The following EXOC4 variants were observed in gnomAD, a reference collection of about 807,000 sequenced individuals.
EXOC4 encodes exocyst complex component 4, also known as SEC8-like 1.
In EXOC4, 71 loss-of-function variants were observed where a neutral mutation model predicts 107.2. That is an observed-to-expected ratio of 0.66 (90% CI 0.55 to 0.81). The LOEUF (loss-of-function observed/expected upper bound fraction) is 0.81. Among genes scored for constraint, EXOC4 ranks in the 30% least tolerant of loss-of-function variants. The probability of loss-of-function intolerance (pLI) is 0.00; values close to 1 mark genes in which losing one functional copy is unlikely to be tolerated. For missense variants in EXOC4, 1,108 were observed against 1,189.6 expected, an observed-to-expected ratio of 0.93 and a Z score of 1.01; for synonymous variants, 456 against 441.2, an observed-to-expected ratio of 1.03 and a Z score of -0.42.
chr7:133,379,831 G>C (rs1365416703), intron 7 of EXOC4, among the ~76,000 whole-genome samples: 1 of 152,082 alleles, frequency 6.6e-6, no homozygotes, highest in Non-Finnish European at 1.5e-5. Context: ...TATAATTCCT[G>C]TACGGCTGAA....
downstream of EXOC4, among the ~76,000 whole-genome samples, chr7:134,069,383 C>G (rs565469804): frequency 6.8e-6 from 1 of 147,318 alleles, no homozygotes; most frequent in Non-Finnish European, 1.5e-5. Context: ...TCTCCTCCTT[C>G]TCCGCCTCTT....
intron 11 of EXOC4, among the ~76,000 whole-genome samples, chr7:133,871,394 G>C (rs1418282439): frequency 6.6e-6 from 1 of 152,072 alleles, no homozygotes; most frequent in Non-Finnish European, 1.5e-5. Flanking sequence ...CACACCGCTA[G>C]TCATGCTCTT....
intron 10 of EXOC4, among the ~76,000 whole-genome samples, chr7:133,730,435 A>G (rs531624665): frequency 2.6e-5 from 4 of 152,070 alleles, no homozygotes; most frequent in East Asian, 3.9e-4. Context: ...ATTTCTTTCT[A>G]ACAGATTAGT....
At chr7:133,292,461 T>C (rs1161306107) in intron 3 of EXOC4, among the ~76,000 whole-genome samples, 1 of 152,214 alleles carries the variant, frequency 6.6e-6, no homozygotes, top group African/African-American at 2.4e-5. Context: ...TTTTTTGTTG[T>C]TGTCTTTTAA....
intron 10 of EXOC4, among the ~76,000 whole-genome samples, chr7:133,767,732 A>C (rs1389398370): frequency 6.6e-6 from 1 of 151,994 alleles, no homozygotes; most frequent in Non-Finnish European, 1.5e-5. Context: ...AGACCCTGCA[A>C]AATCAGATAG....
intron 14 of EXOC4, among the ~76,000 whole-genome samples, chr7:133,978,839 G>T (rs185902568): frequency 6.6e-6 from 1 of 152,270 alleles, no homozygotes. Flanking sequence ...CAGCTTTTGG[G>T]AGTACATCTC....
intron 7 of EXOC4, among the ~76,000 whole-genome samples, chr7:133,464,581 C>G (rs2150830014): frequency 6.6e-6 from 1 of 151,958 alleles, no homozygotes; most frequent in South Asian, 2.1e-4. Context: ...AGTTGGTGAC[C>G]TTATAGATGG....
At chr7:133,803,594 T>G (rs1433148038) in intron 10 of EXOC4, among the ~76,000 whole-genome samples, 3 of 152,176 alleles carry the variant, frequency 2.0e-5, no homozygotes, top group Non-Finnish European at 4.4e-5. Flanking sequence ...CTAGTTTTTC[T>G]TAGAAAATGA....
At chr7:134,034,500 T>C (rs1795343149) in intron 17 of EXOC4, among the ~76,000 whole-genome samples, 1 of 152,154 alleles carries the variant, frequency 6.6e-6, no homozygotes, top group Admixed American at 6.5e-5. Context: ...CGGGGGCAGT[T>C]TCCCCCATGT....
At chr7:133,594,493 C>CTTGTTTTTTTTTTTTT (rs1801618768) in intron 9 of EXOC4, among the ~76,000 whole-genome samples, 1 of 90,360 alleles carries the variant, frequency 1.1e-5, no homozygotes, top group African/African-American at 4.5e-5. Context: ...AAGCTTGAGT[C>CTTGTTTTTTTTTTTTT]TTTTTTTTTT....
intron 14 of EXOC4, among the ~76,000 whole-genome samples, chr7:133,957,628 A>G (rs528360815): frequency 6.6e-6 from 1 of 152,316 alleles, no homozygotes; most frequent in South Asian, 2.1e-4. Context: ...ACCCTTTATA[A>G]GGATTATTTC....
At chr7:133,435,723 G>C (rs896085825) in intron 7 of EXOC4, among the ~76,000 whole-genome samples, 1 of 152,010 alleles carries the variant, frequency 6.6e-6, no homozygotes, top group Non-Finnish European at 1.5e-5. Context: ...CCATCCATCT[G>C]TATTTGTGTT....
chr7:133,374,922 GTGACTCCAC>G lies in EXOC4; in HGVS notation c.1109_1117del (p.Pro370_Thr372del). ...CCTGGGATACCTGCAGGACACTGTA[GTGACTCCAC>G]TGACTCAGCAGGAAGATATCAAACT... On this transcript the variant is annotated inframe_deletion, in exon 7 of 18. Transcript: ENST00000253861. The G allele has an allele frequency of 6.2e-7, 1 of 1,614,060 alleles. No individual in the cohort carries two copies. Among genetic ancestry groups the G allele is most frequent in the Non-Finnish European group, 8.5e-7 (1 of 1,179,942 alleles).
intron 9 of EXOC4, among the ~76,000 whole-genome samples, chr7:133,484,548 C>A (rs1263772390): frequency 6.6e-6 from 1 of 151,204 alleles, no homozygotes; most frequent in African/African-American, 2.4e-5. Flanking sequence ...TAAAAAAAAA[C>A]AAAAACAAAA....
intron 10 of EXOC4, among the ~76,000 whole-genome samples, chr7:133,791,431 G>A (rs1046116999): frequency 1.3e-5 from 2 of 152,152 alleles, no homozygotes; most frequent in Admixed American, 1.3e-4. Flanking sequence ...CTCATGAATA[G>A]GACTTCACAC....
chr7:133,320,891 T>C (rs965395453), intron 5 of EXOC4, among the ~76,000 whole-genome samples: 4 of 152,216 alleles, frequency 2.6e-5, no homozygotes, highest in South Asian at 4.1e-4. Flanking sequence ...TGATGAAATA[T>C]ACTATAATAA....
At chr7:133,852,738 C>G (rs944490612) in intron 11 of EXOC4, among the ~76,000 whole-genome samples, 1 of 152,280 alleles carries the variant, frequency 6.6e-6, no homozygotes, top group Non-Finnish European at 1.5e-5. Context: ...TTTCCTGACT[C>G]CTGTCCTTGG....
In EXOC4 at chr7:133,913,634, T is replaced by TAG. The variant is rs371724172; in HGVS notation, c.1872-3933_1872-3932dup. Among the ~76,000 whole-genome samples, 86 of 150,222 alleles carry TAG rather than the reference T, an allele frequency of 5.7e-4. 2 individuals carry two copies. Among genetic ancestry groups the TAG allele is most frequent in the South Asian group, 4.2e-3 (20 of 4,764 alleles). On this transcript the variant is annotated intron_variant, in intron 12 of 17. Transcript: ENST00000253861. ...ATAGGGAACATTAGATGCTCAGTGG[T>TAG]AGAGAGAGAGAGAGAGAAGTAGTTA...
intron 9 of EXOC4, among the ~76,000 whole-genome samples, chr7:133,500,199 T>A (rs915242418): frequency 1.2e-4 from 18 of 152,200 alleles, no homozygotes; most frequent in African/African-American, 3.4e-4. Context: ...TTTGATGAGT[T>A]TTGGAGGATA....
Sources: gnomAD v4.1 joint callset for allele counts (sites outside exome capture counted in the v4.1 genomes callset) on GRCh38, gnomAD v4.1.1 for gene constraint, MANE v1.5 for transcripts, NCBI Gene and HGNC (gene_info 2026-07-23, HGNC 2026-07-21) for gene names.